Variants in KAZN observed in about 807,000 individuals in gnomAD.
KAZN encodes the protein kazrin.
A neutral mutation model predicts 87.4 loss-of-function variants in KAZN; 40 were observed. The ratio of observed to expected loss-of-function variants is 0.46; its 90% CI spans 0.36 to 0.60. The LOEUF (loss-of-function observed/expected upper bound fraction) is 0.60. Among genes scored for constraint, KAZN ranks in the 20% least tolerant of loss-of-function variants. The pLI, the probability that KAZN is intolerant of heterozygous loss-of-function variation, is 0.00. For missense variants in KAZN, 898 were observed against 1,073.9 expected (o/e 0.84, Z 2.29); for synonymous variants, 466 against 458.3 (o/e 1.02, Z -0.22).
At chr1:14,901,794 C>G (rs879927380) in intron 1 of KAZN, among the ~76,000 whole-genome samples, 2 of 152,190 alleles carry the variant, frequency 1.3e-5, no homozygotes, top group East Asian at 3.9e-4. Context: ...TCTCTGCCCC[C>G]ACAGCTGCCT....
At chr1:15,045,330 G>T (rs1673360571) in intron 4 of KAZN, among the ~76,000 whole-genome samples, 1 of 152,112 alleles carries the variant, frequency 6.6e-6, no homozygotes, top group Non-Finnish European at 1.5e-5. Context: ...CCAGCCCCAG[G>T]TGCTTCCCAG....
chr1:14,509,763 CATCTT>C (rs1258941124), intron 2 of KAZN, among the ~76,000 whole-genome samples: 1 of 152,116 alleles, frequency 6.6e-6, no homozygotes, highest in African/African-American at 2.4e-5. Flanking sequence ...AATACACACT[CATCTT>C]ATGAAGAAAA....
intron 1 of KAZN, among the ~76,000 whole-genome samples, chr1:14,855,398 C>T (rs1177751210): frequency 1.3e-5 from 2 of 152,186 alleles, no homozygotes; most frequent in South Asian, 2.1e-4. Context: ...ACCACAGCCC[C>T]AGCTCTGCCC....
At chr1:15,109,108 G>A (rs1026423306) in intron 13 of KAZN, among the ~76,000 whole-genome samples, 3 of 152,198 alleles carry the variant, frequency 2.0e-5, no homozygotes, top group African/African-American at 7.2e-5. Flanking sequence ...GGGCTGGCCA[G>A]GCACGGTGGC....
chr1:13,922,234 C>T (rs200258563), intron 1 of KAZN, among the ~76,000 whole-genome samples: 25 of 152,214 alleles, frequency 1.6e-4, no homozygotes, highest in African/African-American at 4.8e-4. Flanking sequence ...ATCGGTCCCC[C>T]GCCCCCAACT....
chr1:13,895,606 G>C (rs964578983), intron 1 of KAZN, among the ~76,000 whole-genome samples: 1 of 152,166 alleles, frequency 6.6e-6, no homozygotes, highest in African/African-American at 2.4e-5. Flanking sequence ...GGACGCGAAA[G>C]GGATGGAGAC....
intron 2 of KAZN, among the ~76,000 whole-genome samples, chr1:14,289,195 G>T (rs1476345634): frequency 6.6e-6 from 1 of 152,166 alleles, no homozygotes; most frequent in Non-Finnish European, 1.5e-5. Flanking sequence ...TGTCTATTGG[G>T]TCTGCTTGGT....
intron 2 of KAZN, among the ~76,000 whole-genome samples, chr1:14,977,259 G>T (rs996902858): frequency 6.6e-6 from 1 of 152,204 alleles, no homozygotes; most frequent in African/African-American, 2.4e-5. Context: ...CCGCAGCTGG[G>T]TGAGTAAGCA....
At chr1:15,031,370 AC>A (rs975466826) in intron 2 of KAZN, among the ~76,000 whole-genome samples, 2 of 151,644 alleles carry the variant, frequency 1.3e-5, no homozygotes, top group South Asian at 2.1e-4. Flanking sequence ...AGCCTCAGAA[AC>A]CCCTCCTTGG....
chr1:14,277,257 C>A (rs1237578853), intron 2 of KAZN, among the ~76,000 whole-genome samples: 1 of 152,202 alleles, frequency 6.6e-6, no homozygotes, highest in African/African-American at 2.4e-5. Context: ...TACATCATAT[C>A]ATTTCACCCA....
chr1:14,900,525 G>A (rs1572771202), intron 1 of KAZN, among the ~76,000 whole-genome samples: 3 of 151,986 alleles, frequency 2.0e-5, no homozygotes, highest in South Asian at 2.1e-4. Flanking sequence ...AGGCCGAGGC[G>A]GGTGGATCAT....
At chr1:14,573,519 C>T (rs1674997310) in intron 2 of KAZN, among the ~76,000 whole-genome samples, 1 of 152,066 alleles carries the variant, frequency 6.6e-6, no homozygotes, top group East Asian at 1.9e-4. Context: ...TGGTGGTGCA[C>T]ACCTGTAATC....
intron 2 of KAZN, among the ~76,000 whole-genome samples, chr1:14,210,313 G>A (rs148808535): frequency 0.073 from 11,121 of 152,108 alleles, 799 homozygotes; most frequent in African/African-American, 0.17. Context: ...CTCCTCCTTC[G>A]CCTTCTGCCA....
At chr1:14,778,046 TG>T (rs1572458222) in intron 1 of KAZN, among the ~76,000 whole-genome samples, 1 of 152,214 alleles carries the variant, frequency 6.6e-6, no homozygotes, top group East Asian at 1.9e-4. Flanking sequence ...AAGGTCTTTA[TG>T]GCCTGTATCC....
At position 14,672,068 on chromosome 1, in the gene KAZN, AT is replaced by A. The variant is rs140782976; in HGVS notation, c.226+72855del. On this transcript the variant is annotated intron_variant, in intron 1 of 14. Transcript: ENST00000376030. Reference sequence around the variant, plus strand: ...ATCCTTGCCTCAGAATTTTGTCCTTATTTTTTTTTTCTTTTGGGAGATGTGT... The same window carrying A: ...ATCCTTGCCTCAGAATTTTGTCCTTATTTTTTTTTCTTTTGGGAGATGTGT... 2.5e-4 allele frequency among the ~76,000 whole-genome samples: 38 copies of A among 149,780 alleles called. No homozygotes were observed. The South Asian group carries it at 5.7e-3, about 23-fold the overall frequency.
chr1:14,229,986 G>A (rs555460960), intron 2 of KAZN, among the ~76,000 whole-genome samples: 1 of 152,332 alleles, frequency 6.6e-6, no homozygotes, highest in African/African-American at 2.4e-5. Flanking sequence ...CGTTCTCCGA[G>A]AGAACCTTCC....
At chr1:14,364,159 T>C (rs1321676183) in intron 2 of KAZN, among the ~76,000 whole-genome samples, 1 of 152,150 alleles carries the variant, frequency 6.6e-6, no homozygotes, top group African/African-American at 2.4e-5. Flanking sequence ...CGGCACTAAC[T>C]GGTTGCACAT....
intron 1 of KAZN, among the ~76,000 whole-genome samples, chr1:14,859,387 G>A (rs940716967): frequency 1.3e-5 from 2 of 152,096 alleles, no homozygotes; most frequent in Admixed American, 6.5e-5. Flanking sequence ...CCACGGTCAC[G>A]CAGCAGGAAG....
intron 2 of KAZN, among the ~76,000 whole-genome samples, chr1:14,295,671 C>A (rs1178799186): frequency 6.6e-6 from 1 of 152,134 alleles, no homozygotes; most frequent in Non-Finnish European, 1.5e-5. Context: ...GACACACAAA[C>A]CCATGCACAC....
Sources: gnomAD v4.1 joint callset for allele counts (sites outside exome capture counted in the v4.1 genomes callset) on GRCh38, gnomAD v4.1.1 for gene constraint, MANE v1.5 for transcripts, NCBI Gene and HGNC (gene_info 2026-07-23, HGNC 2026-07-21) for gene names.